Variants in CELF4 observed in about 807,000 individuals in gnomAD.
CELF4 encodes the protein CUG-BP- and ETR-3-like factor 4.
CELF4 carries 18 observed loss-of-function variants against 59.9 expected under a neutral mutation model. That is an observed-to-expected ratio of 0.30 (90% CI 0.21 to 0.45). The LOEUF (loss-of-function observed/expected upper bound fraction) is 0.45, where lower values mean the gene tolerates loss of function less well. Among genes scored for constraint, CELF4 ranks in the 20% least tolerant of loss-of-function variants. The pLI is 1.00. For synonymous variants in CELF4, 261 were observed against 267.1 expected (o/e 0.98, Z 0.22); for missense variants, 456 against 689.0 (o/e 0.66, Z 3.79).
At chr18:37,506,949 A>G (rs1187759847) in intron 1 of CELF4, among the ~76,000 whole-genome samples, 1 of 152,158 alleles carries the variant, frequency 6.6e-6, no homozygotes, top group Non-Finnish European at 1.5e-5. Flanking sequence ...GGGCCAGATG[A>G]AAAGGAGTGA....
chr18:37,469,209 G>C (rs898487528), intron 2 of CELF4, among the ~76,000 whole-genome samples: 1 of 152,060 alleles, frequency 6.6e-6, no homozygotes, highest in Non-Finnish European at 1.5e-5. Context: ...TTTAACCCTT[G>C]CCTGACTTGC....
chr18:37,399,343 G>C (rs958983994), intron 2 of CELF4, among the ~76,000 whole-genome samples: 1 of 151,980 alleles, frequency 6.6e-6, no homozygotes, highest in African/African-American at 2.4e-5. Flanking sequence ...TTTTCTCTCT[G>C]CCTCATGCAC....
intron 2 of CELF4, among the ~76,000 whole-genome samples, chr18:37,454,364 G>A (rs896224617): frequency 3.3e-5 from 5 of 152,120 alleles, no homozygotes; most frequent in African/African-American, 7.2e-5. Flanking sequence ...GAAGTTTGCC[G>A]CATTCAAATG....
At chr18:37,347,244 G>A (rs2098292195) in intron 2 of CELF4, among the ~76,000 whole-genome samples, 1 of 152,068 alleles carries the variant, frequency 6.6e-6, no homozygotes, top group Non-Finnish European at 1.5e-5. Flanking sequence ...GGTGCACAGG[G>A]AGTCTCCAAG....
chr18:37,503,838 C>T (rs930797474), intron 1 of CELF4, among the ~76,000 whole-genome samples: 4 of 152,124 alleles, frequency 2.6e-5, no homozygotes, highest in Non-Finnish European at 4.4e-5. Flanking sequence ...CTTCAAGGTC[C>T]CTGTTCCATT....
chr18:37,265,997 C>A (rs2077365298), intron 9 of CELF4, among the ~76,000 whole-genome samples: 1 of 152,152 alleles, frequency 6.6e-6, no homozygotes. Flanking sequence ...CAGGGCTGTC[C>A]CTTCCCACCT....
At chr18:37,425,717 C>A (rs924299384) in intron 2 of CELF4, among the ~76,000 whole-genome samples, 4 of 152,234 alleles carry the variant, frequency 2.6e-5, no homozygotes, top group Admixed American at 2.6e-4. Context: ...CAGGAGCCAG[C>A]TCCCCTGGCA....
At chr18:37,451,299 C>G (rs1219956274) in intron 2 of CELF4, among the ~76,000 whole-genome samples, 1 of 151,998 alleles carries the variant, frequency 6.6e-6, no homozygotes, top group East Asian at 1.9e-4. Flanking sequence ...CTGTGTGTGT[C>G]TGTGAGTACG....
chr18:37,267,582 G>A (rs1292660837), intron 8 of CELF4, among the ~76,000 whole-genome samples: 1 of 152,172 alleles, frequency 6.6e-6, no homozygotes. Flanking sequence ...TGGATAACAC[G>A]ATGTGGCAGG....
intron 3 of CELF4, among the ~76,000 whole-genome samples, chr18:37,289,402 C>G (rs1324922999): frequency 6.6e-6 from 1 of 152,158 alleles, no homozygotes; most frequent in African/African-American, 2.4e-5. Context: ...TTTTGAAAAT[C>G]AAGACATAGT....
chr18:37,454,650 A>G (rs1322611763), intron 2 of CELF4, among the ~76,000 whole-genome samples: 1 of 152,182 alleles, frequency 6.6e-6, no homozygotes, highest in African/African-American at 2.4e-5. Context: ...CAATATGGAA[A>G]TGTCCATCCG....
chr18:37,354,392 G>C (rs905240364), intron 2 of CELF4, among the ~76,000 whole-genome samples: 43 of 152,090 alleles, frequency 2.8e-4, no homozygotes, highest in African/African-American at 9.7e-4. Context: ...GGGGACTGGT[G>C]GGGGGCGCAG....
At chr18:37,317,172 A>G (rs1005575121) in intron 3 of CELF4, among the ~76,000 whole-genome samples, 1 of 152,204 alleles carries the variant, frequency 6.6e-6, no homozygotes, top group Non-Finnish European at 1.5e-5. Context: ...GGATCACCTG[A>G]GGTCAGGAGT....
chr18:37,326,424 C>A (rs1219941773), intron 2 of CELF4, among the ~76,000 whole-genome samples: 1 of 152,198 alleles, frequency 6.6e-6, no homozygotes, highest in Admixed American at 6.5e-5. Context: ...AGTGCGCTGT[C>A]CTCCCCGGAG....
At chr18:37,287,321 G>C (rs1344681265) in intron 3 of CELF4, among the ~76,000 whole-genome samples, 2 of 152,224 alleles carry the variant, frequency 1.3e-5, no homozygotes, top group African/African-American at 4.8e-5. Flanking sequence ...TGCTGGGATA[G>C]AGCCCTTCAG....
At chr18:37,468,449 G>A (rs1374949232) in intron 2 of CELF4, among the ~76,000 whole-genome samples, 1 of 152,126 alleles carries the variant, frequency 6.6e-6, no homozygotes, top group Admixed American at 6.5e-5. Context: ...CAGGACATCT[G>A]TGTGGGGTGA....
At position 37,270,860 on chromosome 18, in the gene CELF4, A is replaced by G. The variant is rs763384625; in HGVS notation, c.1007T>C (p.Ile336Thr). ...GAGGCCGGTGAAGCCATTCACCCCAATGGGGGATGGGATGCTAGGCACGGC... is the reference window on the plus strand; with the variant it reads ...GAGGCCGGTGAAGCCATTCACCCCAGTGGGGGATGGGATGCTAGGCACGGC... Reference protein sequence around the residue: ...APAVPSIPSPIGVNGFTGLPP... With the variant: ...APAVPSIPSPTGVNGFTGLPP... Residue 336 changes from isoleucine (I) to threonine (T), a missense_variant, in exon 8 of 13, where the codon ATT becomes ACT. Physicochemically the swap from Ile to Thr is moderately conservative, Grantham distance 89. Transcript: ENST00000420428. 29 of 1,613,288 alleles carry G rather than the reference A, an allele frequency of 1.8e-5. No individual in the cohort carries two copies. Among genetic ancestry groups the G allele is most frequent in the Non-Finnish European group, 2.2e-5 (26 of 1,179,696 alleles).
At chr18:37,506,009 A>G (rs1351779244) in intron 1 of CELF4, among the ~76,000 whole-genome samples, 1 of 151,970 alleles carries the variant, frequency 6.6e-6, no homozygotes, top group African/African-American at 2.4e-5. Flanking sequence ...GCCCAGGGAG[A>G]GTAGTGGGTA....
intron 3 of CELF4, among the ~76,000 whole-genome samples, chr18:37,309,785 T>C (rs1178536613): frequency 2.0e-5 from 3 of 151,190 alleles, no homozygotes; most frequent in African/African-American, 4.9e-5. Flanking sequence ...GACCCTGCTC[T>C]TCAGCCAAAC....
Sources: gnomAD v4.1 joint callset for allele counts (sites outside exome capture counted in the v4.1 genomes callset) on GRCh38, gnomAD v4.1.1 for gene constraint, MANE v1.5 for transcripts, NCBI Gene and HGNC (gene_info 2026-07-23, HGNC 2026-07-21) for gene names.